VPS13A: variants seen among roughly 807,000 people sequenced by gnomAD.
The protein encoded by VPS13A is vacuolar protein sorting 13 homolog A, also known as intermembrane lipid transfer protein VPS13A.
In VPS13A, 264 loss-of-function variants were observed where a neutral mutation model predicts 390.9. The ratio of observed to expected loss-of-function variants is 0.68; its 90% CI spans 0.61 to 0.75. The LOEUF (loss-of-function observed/expected upper bound fraction) is 0.75. VPS13A is among the 30% of genes least tolerant of loss of function. The pLI, the probability that VPS13A is intolerant of heterozygous loss-of-function variation, is 0.00. For missense variants in VPS13A, 3,409 were observed against 3,733.9 expected (o/e 0.91, Z 2.27); for synonymous variants, 1,231 against 1,227.1 (o/e 1.00, Z -0.07).
At chr9:77,198,821 G>A (rs773605739) in intron 1 of VPS13A, among the ~76,000 whole-genome samples, 1 of 151,898 alleles carries the variant, frequency 6.6e-6, no homozygotes, top group Non-Finnish European at 1.5e-5. Context: ...GCACCATCAC[G>A]ACCGGCTAAT....
At chr9:77,283,264 T>C (rs1345058534) in intron 29 of VPS13A, 91 bp from the exon 30 acceptor site, 5 of 759,286 alleles carry the variant, frequency 6.6e-6, no homozygotes, top group Admixed American at 2.2e-5. Flanking sequence ...ATATCACTAT[T>C]TGTGGTGATA....
chr9:77,344,149 T>G lies in VPS13A; in HGVS notation c.7027-4T>G, dbSNP rs1296638130. On this transcript the variant is annotated splice_region_variant and splice_polypyrimidine_tract_variant and intron_variant, in intron 50 of 71. Transcript: ENST00000360280. Reference sequence around the variant, plus strand: ...TTTATAAACATATATAATGTATATTTTAGTGTATCCCCTTTTGGCCTGAGT... The same window carrying G: ...TTTATAAACATATATAATGTATATTGTAGTGTATCCCCTTTTGGCCTGAGT... 2 of 1,584,996 alleles carry G rather than the reference T, an allele frequency of 1.3e-6. No individual in the cohort carries two copies. The highest frequency in any genetic ancestry group is 1.7e-5 in the Admixed American group (1 of 59,940).
intron 13 of VPS13A, among the ~76,000 whole-genome samples, chr9:77,222,419 C>G (rs1009815373): frequency 1.1e-4 from 16 of 152,074 alleles, no homozygotes; most frequent in African/African-American, 3.9e-4. Flanking sequence ...AAAGATTTAG[C>G]TAATCTCAGC....
rs115517551 is a variant in VPS13A at position 77,341,863 on chromosome 9, A to G, written c.7026+1313A>G. ...GTTTATTTTTTATGTGACTTGCAAT[A>G]TAATAGTTAAAGCCACAGTAGTTAA... On this transcript the variant is annotated intron_variant, in intron 50 of 71. Coordinates refer to ENST00000360280, the MANE Select transcript of VPS13A (RefSeq NM_033305.3). Among the ~76,000 whole-genome samples, 1,518 of 152,006 alleles carry G rather than the reference A, an allele frequency of 1.0e-2. 20 individuals are homozygous for G. Among genetic ancestry groups the G allele is most frequent in the African/African-American group, 0.022 (923 of 41,462 alleles).
chr9:77,282,843 G>C (rs1325023789), intron 29 of VPS13A, among the ~76,000 whole-genome samples: 1 of 151,934 alleles, frequency 6.6e-6, no homozygotes, highest in East Asian at 1.9e-4. Flanking sequence ...AGTTTACTTG[G>C]GAGGCTGACA....
At chr9:77,229,664 A>G (rs1021493281) in intron 17 of VPS13A, among the ~76,000 whole-genome samples, 1 of 152,098 alleles carries the variant, frequency 6.6e-6, no homozygotes, top group African/African-American at 2.4e-5. Context: ...TTGTTTATCC[A>G]TTTAACTGTT....
chr9:77,351,475 A>G lies in VPS13A; in HGVS notation c.7419+29A>G, dbSNP rs375562874. 49 of 1,609,744 alleles carry G rather than the reference A, an allele frequency of 3.0e-5. No individual in the cohort carries two copies. In the East Asian group the frequency reaches 3.8e-4, roughly 13 times the overall value. On this transcript the variant is annotated intron_variant, in intron 53 of 71. Coordinates refer to ENST00000360280, the MANE Select transcript of VPS13A (RefSeq NM_033305.3). Reference sequence around the variant, plus strand: ...AGTATTGGGTTATTATGGTGTTCCCAGCAGCCTTTTTTAAAAAAGGTATTT... The same window carrying G: ...AGTATTGGGTTATTATGGTGTTCCCGGCAGCCTTTTTTAAAAAAGGTATTT...
At chr9:77,253,171 A>G (rs1208887771) in intron 22 of VPS13A, among the ~76,000 whole-genome samples, 1 of 152,136 alleles carries the variant, frequency 6.6e-6, no homozygotes, top group African/African-American at 2.4e-5. Flanking sequence ...TAGTCATCCT[A>G]ATAGGTGTGA....
At chr9:77,241,532 T>C (rs1407486056) in intron 19 of VPS13A, among the ~76,000 whole-genome samples, 1 of 152,120 alleles carries the variant, frequency 6.6e-6, no homozygotes, top group Non-Finnish European at 1.5e-5. Context: ...ATGAAGACTT[T>C]TGTGGTTCTG....
At chr9:77,341,833 A>G (rs1830844262) in intron 50 of VPS13A, among the ~76,000 whole-genome samples, 2 of 150,788 alleles carry the variant, frequency 1.3e-5, no homozygotes, top group African/African-American at 4.9e-5. Context: ...CTTTCAACAA[A>G]TATTGTTTAT....
chr9:77,303,702 T>C (rs968236127), intron 34 of VPS13A, among the ~76,000 whole-genome samples: 1 of 152,146 alleles, frequency 6.6e-6, no homozygotes, highest in Non-Finnish European at 1.5e-5. Context: ...CAAAAGAATC[T>C]ATGTCATAAT....
Position 77,345,047 on chromosome 9 carries a change from T to A in VPS13A, c.7194T>A (p.His2398Gln). Residue 2398 changes from histidine (H) to glutamine (Q), a missense_variant, in exon 52 of 72, where the codon CAT (histidine) becomes CAA (glutamine). By Grantham distance (24) the His-to-Gln change is conservative. This residue lies in a region of VPS13A where 2,717 missense variants were observed against 2,917.4 expected (regional missense o/e 0.93). Transcript: ENST00000360280. ...TAGCAGAAGTGAATTTGGCCGAGCATTCTACAGTTATTACATTTTTAGATT... is the reference window on the plus strand; with the variant it reads ...TAGCAGAAGTGAATTTGGCCGAGCAATCTACAGTTATTACATTTTTAGATT... ...GIIAEVNLAE[H>Q]STVITFLDYH... is the part of the protein sequence containing the mutation. 6.2e-7 allele frequency: 1 copy of A among 1,613,110 alleles called. No homozygotes were observed. The highest frequency in any genetic ancestry group is 8.5e-7 in the Non-Finnish European group (1 of 1,179,862).
chr9:77,231,893 T>C (rs1393336500), intron 17 of VPS13A, among the ~76,000 whole-genome samples: 1 of 152,200 alleles, frequency 6.6e-6, no homozygotes, highest in Non-Finnish European at 1.5e-5. Context: ...CGCTTACATA[T>C]ACGTTTATGA....
At chr9:77,200,732 T>C (rs1825283435) in intron 2 of VPS13A, among the ~76,000 whole-genome samples, 1 of 152,188 alleles carries the variant, frequency 6.6e-6, no homozygotes, top group Non-Finnish European at 1.5e-5. Flanking sequence ...TTTTTTTAAT[T>C]GCTTGTGCTT....
intron 19 of VPS13A, among the ~76,000 whole-genome samples, chr9:77,246,497 C>G (rs1824820351): frequency 1.3e-5 from 2 of 151,608 alleles, no homozygotes; most frequent in Non-Finnish European, 2.9e-5. Context: ...AAAAAATGTG[C>G]CTTTTTGTTT....
chr9:77,281,999 GA>G (rs1827054019), intron 28 of VPS13A, 73 bp downstream of exon 28: 21 of 1,349,866 alleles, frequency 1.6e-5, no homozygotes, highest in Non-Finnish European at 2.1e-5. Context: ...GGAATTGTAA[GA>G]TCCTTAAAGA....
intron 68 of VPS13A, among the ~76,000 whole-genome samples, chr9:77,401,101 C>T (rs1342425949): frequency 6.6e-6 from 1 of 152,088 alleles, no homozygotes; most frequent in Non-Finnish European, 1.5e-5. Context: ...AATCTGTATT[C>T]TTTCCTTTGA....
chr9:77,288,055 A>G (rs964937785), intron 31 of VPS13A, among the ~76,000 whole-genome samples: 3 of 152,078 alleles, frequency 2.0e-5, no homozygotes, highest in Admixed American at 1.3e-4. Flanking sequence ...CCATCCTAGC[A>G]CCTTAGAATC....
intron 7 of VPS13A, 39 bp downstream of exon 7, chr9:77,210,714 TG>T (rs756970615): frequency 6.3e-7 from 1 of 1,585,858 alleles, no homozygotes; most frequent in East Asian, 2.2e-5. Flanking sequence ...ATATTTAATG[TG>T]CAATATAGTC....
Sources: gnomAD v4.1 joint callset for allele counts (sites outside exome capture counted in the v4.1 genomes callset) on GRCh38, gnomAD v4.1.1 for gene constraint, gnomAD v4.1.1 regional missense constraint, MANE v1.5 for transcripts, NCBI Gene and HGNC (gene_info 2026-07-23, HGNC 2026-07-21) for gene names.